Variants in AXIN2 observed in about 807,000 individuals in gnomAD.
The protein encoded by AXIN2 is axin 2.
A neutral mutation model predicts 74.7 loss-of-function variants in AXIN2; 21 were observed. That is an observed-to-expected ratio of 0.28 (90% CI 0.20 to 0.40). AXIN2 has a LOEUF of 0.40. Ranked by LOEUF, AXIN2 falls within the 10% of genes least tolerant of loss-of-function variation. The pLI, the probability that AXIN2 is intolerant of heterozygous loss-of-function variation, is 1.00. For missense variants in AXIN2, 1,144 were observed against 1,111.1 expected, an observed-to-expected ratio of 1.03 and a Z score of -0.42; for synonymous variants, 532 against 454.9, an observed-to-expected ratio of 1.17 and a Z score of -2.16.
chr17:65,532,918 C>T (rs1004518080), intron 10 of AXIN2, among the ~76,000 whole-genome samples: 6 of 152,232 alleles, frequency 3.9e-5, no homozygotes, highest in Non-Finnish European at 8.8e-5. Flanking sequence ...CTGTCTCACC[C>T]TTGTCCCAGC....
chr17:65,538,711 C>T (rs1413440964), intron 4 of AXIN2, among the ~76,000 whole-genome samples: 1 of 113,836 alleles, frequency 8.8e-6, no homozygotes, highest in Non-Finnish European at 1.8e-5. Flanking sequence ...AAAAAGGCAG[C>T]CCTCTGAGGT....
intron 3 of AXIN2, among the ~76,000 whole-genome samples, chr17:65,549,007 T>C (rs2044154279): frequency 2.0e-5 from 3 of 152,124 alleles, no homozygotes; most frequent in African/African-American, 7.2e-5. Flanking sequence ...TGCGGAACAT[T>C]ACACACTGTG....
chr17:65,530,663 A>C (rs1478180210), intron 10 of AXIN2, among the ~76,000 whole-genome samples: 1 of 151,858 alleles, frequency 6.6e-6, no homozygotes, highest in Non-Finnish European at 1.5e-5. Context: ...CAAGTGCAAC[A>C]CTCCTGGATG....
intron 9 of AXIN2, 54 bp from the exon 10 acceptor site, chr17:65,534,133 T>C: frequency 6.3e-7 from 1 of 1,598,700 alleles, no homozygotes; most frequent in African/African-American, 1.3e-5. Flanking sequence ...GACACACATC[T>C]AAAGCAAACA....
intron 3 of AXIN2, among the ~76,000 whole-genome samples, chr17:65,542,432 T>C (rs1027713274): frequency 3.9e-5 from 6 of 152,228 alleles, no homozygotes; most frequent in African/African-American, 9.6e-5. Flanking sequence ...GTTAGTGATA[T>C]GTACTATGAA....
chr17:65,558,530 C>G lies in AXIN2; in HGVS notation c.91G>C (p.Gly31Arg), dbSNP rs1381395730. The part of the protein sequence containing the change: ...APRPPVPGEE[G>R]ETPPCQPGVG... ...CCTGGCTGACACGGTGGGGTCTCCC[C>G]TTCTTCCCCTGGCACTGGGGGCCGC... The change falls in exon 2 of 11, where the codon GGG becomes CGG. Residue 31 changes from glycine (G) to arginine (R), a missense_variant. Physicochemically the swap from Gly to Arg is moderately radical, Grantham distance 125. Coordinates refer to ENST00000307078, the MANE Select transcript of AXIN2 (RefSeq NM_004655.4). The G allele has an allele frequency of 6.2e-7, 1 of 1,613,880 alleles. No individual in the cohort carries two copies. Among genetic ancestry groups the G allele is most frequent in the African/African-American group, 1.3e-5 (1 of 75,056 alleles).
intron 2 of AXIN2, among the ~76,000 whole-genome samples, 199 bp from the exon 3 acceptor site, chr17:65,549,859 A>G (rs559337341): frequency 6.6e-6 from 1 of 152,280 alleles, no homozygotes; most frequent in East Asian, 1.9e-4. Flanking sequence ...ACCCTGGGGA[A>G]AGCAAGCTGG....
chr17:65,544,310 G>A (rs903358137), intron 3 of AXIN2, among the ~76,000 whole-genome samples: 1 of 151,404 alleles, frequency 6.6e-6, no homozygotes, highest in Non-Finnish European at 1.5e-5. Context: ...GGGGAGGGGA[G>A]TAGATAACTG....
chr17:65,537,794 C>A lies in AXIN2; in HGVS notation c.1242G>T (p.Arg414=). ...GGGGGTGCTGCGTGGGCGCCCCCTC[C>A]CGCGAATTGAGTGTGAGCTCGGAGC... The part of the protein sequence containing the change: ...REGSELTLNS[R]EGAPTQHPLS... Residue 414 remains arginine, a synonymous_variant, in exon 6 of 11, where the codon CGG becomes CGT. Transcript: ENST00000307078. 6.3e-7 allele frequency: 1 copy of A among 1,586,586 alleles called. No homozygotes were observed. Among genetic ancestry groups the A allele is most frequent in the East Asian group, 2.3e-5 (1 of 43,802 alleles).
At chr17:65,538,124 G>A (rs189213354) in intron 5 of AXIN2, 79 bp downstream of exon 5, 81 of 1,602,156 alleles carry the variant, frequency 5.1e-5, no homozygotes, top group Admixed American at 8.4e-5. Flanking sequence ...ACACCCTAAC[G>A]CACCCCATGC....
At chr17:65,559,718 T>C (rs1456392021) in intron 1 of AXIN2, among the ~76,000 whole-genome samples, 3 of 152,164 alleles carry the variant, frequency 2.0e-5, no homozygotes, top group African/African-American at 7.2e-5. Context: ...AAAAGTCTTA[T>C]CTAACCAATA....
rs140510381 is a variant in AXIN2, at chr17:65,536,378, C to A, written c.2083G>T (p.Ala695Ser). ...MPPLTPPNTL[A>S]QLEEACRRLA... The stretch of plus-strand genomic sequence containing the variant: ...CTGCGACAGGCCTCCTCCAGCTGAG[C>A]CAGCGTGTTGGGTGGGGTCAGGGGA... Residue 695 changes from alanine (A) to serine (S), a missense_variant, in exon 8 of 11, where the codon GCT becomes TCT. Physicochemically the swap from Ala to Ser is moderately conservative, Grantham distance 99. This residue lies in a region of AXIN2 where 1,053 missense variants were observed against 973.5 expected (regional missense o/e 1.08). Coordinates refer to ENST00000307078, the MANE Select transcript of AXIN2 (RefSeq NM_004655.4). 150 of 1,613,746 alleles carry A rather than the reference C, an allele frequency of 9.3e-5. No individual in the cohort carries two copies. In the Middle Eastern group the frequency reaches 1.3e-3, roughly 14 times the overall value.
In AXIN2 at chr17:65,537,100, C is replaced by A. The variant is rs528049847; in HGVS notation, c.1713-37G>T. The A allele has an allele frequency of 1.9e-6, 3 of 1,587,068 alleles. No individual in the cohort carries two copies. The South Asian group carries it at 3.3e-5, about 18-fold the overall frequency. Reference sequence around the variant, plus strand: ...CAAGAACCACACCCAACCCAGAGACCCGGTTAAATCTCCGGGACTCCTAGA... The same window carrying A: ...CAAGAACCACACCCAACCCAGAGACACGGTTAAATCTCCGGGACTCCTAGA... On this transcript the variant is annotated intron_variant, in intron 6 of 10. Coordinates refer to ENST00000307078, the MANE Select transcript of AXIN2 (RefSeq NM_004655.4).
At chr17:65,548,532 TTGAAAAGCTTTCAAGACCATTTC>T (rs2044146967) in intron 3 of AXIN2, among the ~76,000 whole-genome samples, 1 of 152,222 alleles carries the variant, frequency 6.6e-6, no homozygotes. Context: ...CTCCAAAACA[TTGAAAAGCTTTCAAGACCATTTC>T]TGGAACAATG....
In AXIN2 at chr17:65,537,681, C is replaced by A. The variant is rs2144465163; in HGVS notation, c.1355G>T (p.Cys452Phe). 6.4e-7 allele frequency: 1 copy of A among 1,556,934 alleles called. No homozygotes were observed. Among genetic ancestry groups the A allele is most frequent in the Non-Finnish European group, 8.7e-7 (1 of 1,151,302 alleles). Residue 452 changes from cysteine (C) to phenylalanine (F), a missense_variant, in exon 6 of 11, where the codon TGC (cysteine) becomes TTC (phenylalanine). Physicochemically the swap from Cys to Phe is radical, Grantham distance 205. This residue lies in a region of AXIN2 where 1,053 missense variants were observed against 973.5 expected (regional missense o/e 1.08). Transcript: ENST00000307078. ...HLSRVLKTPG[C>F]QSPGVGRYSP... Reference sequence around the variant, plus strand: ...ATAGCGGCCTACGCCTGGAGACTGGCAGCCAGGGGTCTTGAGGACCCTGGA... The same window carrying A: ...ATAGCGGCCTACGCCTGGAGACTGGAAGCCAGGGGTCTTGAGGACCCTGGA...
rs1060502146 is a variant in AXIN2, at chr17:65,558,206, T to C, written c.415A>G (p.Ile139Val). 2 of 1,614,194 alleles carry C rather than the reference T, an allele frequency of 1.2e-6. No homozygotes were observed. Among genetic ancestry groups the C allele is most frequent in the Non-Finnish European group, 1.7e-6 (2 of 1,180,040 alleles). Residue 139 changes from isoleucine (I) to valine (V), a missense_variant, in exon 2 of 11, where the codon ATT (isoleucine) becomes GTT (valine). Physicochemically the swap from Ile to Val is conservative, Grantham distance 29. Around this residue, in one of 4 missense-constraint regions of AXIN2, gnomAD observed 1,053 missense variants for 973.5 expected, o/e 1.08. Coordinates refer to ENST00000307078, the MANE Select transcript of AXIN2 (RefSeq NM_004655.4). ...RVAKAIYKRYIENNSIVSKQL... is the reference protein window; with the variant it reads ...RVAKAIYKRYVENNSIVSKQL... The stretch of plus-strand genomic sequence containing the variant: ...TTGGAGACAATGCTGTTGTTCTCAA[T>C]GTACCTTTTGTAGATCGCTTTGGCT...
rs1301940236 is a variant in AXIN2, at chr17:65,558,068, T to G, written c.553A>C (p.Asn185His). The change falls in exon 2 of 11, where the codon AAT (asparagine) becomes CAT (histidine). Residue 185 changes from asparagine (N) to histidine (H), a missense_variant. Transcript: ENST00000307078. ...GAAGTCAAAAACATCTGGTAGGCAT[T>G]TTCCTCCATCACCGACTGGATCTCG... The part of the protein sequence containing the change: ...QTEIQSVMEE[N>H]AYQMFLTSDI... The G allele has an allele frequency of 6.2e-7, 1 of 1,614,180 alleles. No individual in the cohort carries two copies. The highest frequency in any genetic ancestry group is 2.2e-5 in the East Asian group (1 of 44,874).
At chr17:65,538,422 C>A in intron 4 of AXIN2, 79 bp from the exon 5 acceptor site, 1 of 1,580,148 alleles carries the variant, frequency 6.3e-7, no homozygotes, top group Non-Finnish European at 8.7e-7. Flanking sequence ...GCTTCCCGCA[C>A]CAGGCGCTGT....
rs756419208 is a variant in AXIN2, at chr17:65,536,454, G to C, written c.2007C>G (p.His669Gln). ...GGTGGGCACGGGGGGTGGTGCGGGG[G>C]TGCCCGCTGTTGCCCCCCCACAGAT... Reference protein sequence around the residue: ...RHHLWGGNSGHPRTTPRAHLF... With the variant: ...RHHLWGGNSGQPRTTPRAHLF... Residue 669 changes from histidine (H) to glutamine (Q), a missense_variant, in exon 8 of 11, where the codon CAC becomes CAG. This residue lies in a region of AXIN2 where 1,053 missense variants were observed against 973.5 expected (regional missense o/e 1.08). Transcript: ENST00000307078. The C allele has an allele frequency of 1.9e-6, 3 of 1,613,682 alleles. No homozygotes were observed. The highest frequency in any genetic ancestry group is 2.5e-6 in the Non-Finnish European group (3 of 1,179,992).
Sources: gnomAD v4.1 joint callset for allele counts (sites outside exome capture counted in the v4.1 genomes callset) on GRCh38, gnomAD v4.1.1 for gene constraint, gnomAD v4.1.1 regional missense constraint, MANE v1.5 for transcripts, NCBI Gene and HGNC (gene_info 2026-07-23, HGNC 2026-07-21) for gene names.